Variants in KIAA1217 observed in about 807,000 individuals in gnomAD.
KIAA1217 encodes the protein KIAA1217.
Under a neutral mutation model 163.9 loss-of-function variants are expected in KIAA1217, and 88 were observed. The observed-to-expected ratio is 0.54, with a 90% CI of 0.45 to 0.64. The LOEUF is 0.64. Among genes scored for constraint, KIAA1217 ranks in the 30% least tolerant of loss-of-function variants. The pLI, the probability that KIAA1217 is intolerant of heterozygous loss-of-function variation, is 0.00. For missense variants in KIAA1217, 2,372 were observed against 2,475.0 expected (o/e 0.96, Z 0.88); for synonymous variants, 903 against 923.1 (o/e 0.98, Z 0.39).
chr10:24,499,583 T>C (rs879574114), intron 8 of KIAA1217, among the ~76,000 whole-genome samples: 1 of 151,962 alleles, frequency 6.6e-6, no homozygotes, highest in African/African-American at 2.4e-5. Context: ...AAATACAAAA[T>C]TAACTGGGTG....
At chr10:24,147,529 A>T (rs1402839090) in intron 2 of KIAA1217, among the ~76,000 whole-genome samples, 2 of 152,182 alleles carry the variant, frequency 1.3e-5, no homozygotes, top group Non-Finnish European at 2.9e-5. Flanking sequence ...TGTGCTGAGT[A>T]AAATCATTAG....
intron 2 of KIAA1217, among the ~76,000 whole-genome samples, chr10:24,130,373 G>A (rs2063610840): frequency 6.6e-6 from 1 of 152,144 alleles, no homozygotes; most frequent in Non-Finnish European, 1.5e-5. Flanking sequence ...GGCATGCCAT[G>A]TTTTATTATT....
chr10:24,162,875 GCT>G (rs990497601), intron 2 of KIAA1217, among the ~76,000 whole-genome samples: 18 of 152,258 alleles, frequency 1.2e-4, no homozygotes, highest in African/African-American at 4.3e-4. Context: ...TCACTTCCTT[GCT>G]ATGTGGGCCT....
chr10:24,005,143 T>C (rs902951608), intron 1 of KIAA1217, among the ~76,000 whole-genome samples: 5 of 152,188 alleles, frequency 3.3e-5, no homozygotes, highest in African/African-American at 1.2e-4. Context: ...TACAGCGTGA[T>C]TTTGGACAAT....
chr10:24,185,065 G>A (rs2066357124), intron 2 of KIAA1217, among the ~76,000 whole-genome samples: 1 of 152,236 alleles, frequency 6.6e-6, no homozygotes, highest in Non-Finnish European at 1.5e-5. Flanking sequence ...AAATAAAATA[G>A]GATGCCCTTA....
At chr10:23,815,739 A>T (rs1837286770) in intron 1 of KIAA1217, among the ~76,000 whole-genome samples, 1 of 152,238 alleles carries the variant, frequency 6.6e-6, no homozygotes, top group South Asian at 2.1e-4. Context: ...ATACAAACTT[A>T]TATTCACATA....
intron 2 of KIAA1217, among the ~76,000 whole-genome samples, chr10:24,351,134 G>C (rs1424777059): frequency 6.6e-6 from 1 of 152,252 alleles, no homozygotes; most frequent in African/African-American, 2.4e-5. Flanking sequence ...TTTTAGTAGA[G>C]TTGGGGTTTC....
At chr10:24,006,857 A>G (rs951970169) in intron 1 of KIAA1217, among the ~76,000 whole-genome samples, 1 of 152,156 alleles carries the variant, frequency 6.6e-6, no homozygotes, top group Non-Finnish European at 1.5e-5. Flanking sequence ...GCGAGTCTGC[A>G]ATGGTTCAGC....
chr10:23,933,133 A>T (rs1364172324), intron 1 of KIAA1217, among the ~76,000 whole-genome samples: 1 of 152,232 alleles, frequency 6.6e-6, no homozygotes, highest in Non-Finnish European at 1.5e-5. Context: ...TCAGCTTATT[A>T]TCTGCTAGGC....
At chr10:24,066,778 A>G (rs1208361761) in intron 2 of KIAA1217, among the ~76,000 whole-genome samples, 1 of 152,146 alleles carries the variant, frequency 6.6e-6, no homozygotes, top group African/African-American at 2.4e-5. Flanking sequence ...TTTCAGGTAC[A>G]CCAATTAGAC....
chr10:24,443,940 G>C (rs1469658651), intron 5 of KIAA1217, among the ~76,000 whole-genome samples: 2 of 152,038 alleles, frequency 1.3e-5, no homozygotes, highest in Non-Finnish European at 2.9e-5. Context: ...GATGATGGGG[G>C]TACCTTTTAT....
intron 3 of KIAA1217, among the ~76,000 whole-genome samples, chr10:24,409,467 C>G (rs2057541877): frequency 6.6e-6 from 1 of 151,922 alleles, no homozygotes; most frequent in Non-Finnish European, 1.5e-5. Flanking sequence ...GAAGGGATTA[C>G]AAATGGCCCA....
At chr10:24,360,788 G>A (rs1368007680) in intron 2 of KIAA1217, among the ~76,000 whole-genome samples, 3 of 152,138 alleles carry the variant, frequency 2.0e-5, no homozygotes, top group South Asian at 4.1e-4. Context: ...AAGAGGCCAC[G>A]CATGTAGATA....
intron 1 of KIAA1217, among the ~76,000 whole-genome samples, chr10:23,960,185 G>C (rs1469369353): frequency 2.0e-5 from 3 of 151,748 alleles, no homozygotes; most frequent in Non-Finnish European, 2.9e-5. Context: ...AAAGTGCTGA[G>C]ATTACAGGTG....
At chr10:24,041,909 G>C (rs1185850998) in intron 2 of KIAA1217, among the ~76,000 whole-genome samples, 5 of 151,968 alleles carry the variant, frequency 3.3e-5, no homozygotes, top group Non-Finnish European at 7.4e-5. Flanking sequence ...CTTCTAGGCT[G>C]TCTGGTGTGT....
At chr10:23,743,932 A>G (rs1839260934) in intron 1 of KIAA1217, among the ~76,000 whole-genome samples, 2 of 152,086 alleles carry the variant, frequency 1.3e-5, no homozygotes, top group Admixed American at 1.3e-4. Flanking sequence ...AGAACCCAGG[A>G]GAGGGAGTAG....
At chr10:23,889,909 T>C (rs145678965) in intron 1 of KIAA1217, among the ~76,000 whole-genome samples, 1,616 of 151,990 alleles carry the variant, frequency 0.011, 28 homozygotes, top group African/African-American at 0.037. Flanking sequence ...ACAGATAATC[T>C]TGTTCTCTGT....
chr10:23,849,130 G>T (rs1839184165), intron 1 of KIAA1217, among the ~76,000 whole-genome samples: 1 of 152,058 alleles, frequency 6.6e-6, no homozygotes, highest in African/African-American at 2.4e-5. Context: ...TTCATAATTA[G>T]CTTGCATTAA....
intron 1 of KIAA1217, among the ~76,000 whole-genome samples, chr10:23,762,072 A>G (rs996261714): frequency 6.6e-6 from 1 of 152,200 alleles, no homozygotes; most frequent in East Asian, 1.9e-4. Flanking sequence ...CAAATTCCTG[A>G]GTAGACCAAT....
Sources: gnomAD v4.1 joint callset for allele counts (sites outside exome capture counted in the v4.1 genomes callset) on GRCh38, gnomAD v4.1.1 for gene constraint, MANE v1.5 for transcripts, NCBI Gene and HGNC (gene_info 2026-07-23, HGNC 2026-07-21) for gene names.